PIKFYVE: variants seen among roughly 807,000 people sequenced by gnomAD.
The protein encoded by PIKFYVE is phosphoinositide kinase, FYVE-type zinc finger containing.
In PIKFYVE, 122 loss-of-function variants were observed where a neutral mutation model predicts 257.9. The observed-to-expected ratio is 0.47, with a 90% CI of 0.41 to 0.55. PIKFYVE has a LOEUF of 0.55. Among genes scored for constraint, PIKFYVE ranks in the 20% least tolerant of loss-of-function variants. The probability of loss-of-function intolerance (pLI) is 0.00; values close to 1 mark genes in which losing one functional copy is unlikely to be tolerated. For synonymous variants in PIKFYVE, 892 were observed against 868.9 expected, an observed-to-expected ratio of 1.03 and a Z score of -0.47; for missense variants, 2,160 against 2,536.6, an observed-to-expected ratio of 0.85 and a Z score of 3.19.
intron 7 of PIKFYVE, among the ~76,000 whole-genome samples, chr2:208,294,513 G>A (rs1559071708): frequency 6.6e-6 from 1 of 152,150 alleles, no homozygotes; most frequent in Non-Finnish European, 1.5e-5. Flanking sequence ...AAGGAACTAT[G>A]GTAAATAGGC....
intron 3 of PIKFYVE, 49 bp downstream of exon 3, chr2:208,273,782 A>G (rs1178566622): frequency 6.2e-7 from 1 of 1,604,438 alleles, no homozygotes; most frequent in Non-Finnish European, 8.5e-7. Context: ...AGATTTTTCC[A>G]CAGTCATTGT....
chr2:208,339,476 A>G lies in PIKFYVE; in HGVS notation c.4731A>G (p.Gln1577=), dbSNP rs35066043. ...GCTCCACCAGTTCTACTCATCTCCA[A>G]TTGCCTACGCCACCTGAAGTCATGT... ...SQSSTSSTHL[Q]LPTPPEVMSE... Residue 1577 remains glutamine (Q), a synonymous_variant, in exon 30 of 42, where the codon CAA becomes CAG. Coordinates refer to ENST00000264380, the MANE Select transcript of PIKFYVE (RefSeq NM_015040.4). 5.5e-3 allele frequency: 8,817 copies of G among 1,614,052 alleles called. 370 individuals carry two copies. The African/African-American group carries it at 0.1, about 19-fold the overall frequency.
chr2:208,303,480 T>TTA (rs1693968082), intron 10 of PIKFYVE, among the ~76,000 whole-genome samples: 3 of 152,202 alleles, frequency 2.0e-5, no homozygotes, highest in Admixed American at 2.0e-4. Context: ...TACCATATTC[T>TTA]TACAATAAAG....
At chr2:208,294,559 T>G (rs1263983079) in intron 7 of PIKFYVE, among the ~76,000 whole-genome samples, 1 of 152,144 alleles carries the variant, frequency 6.6e-6, no homozygotes, top group African/African-American at 2.4e-5. Context: ...AGGGGGAGGT[T>G]AAGTGGTCTC....
At chr2:208,303,706 A>G (rs1236129993) in intron 10 of PIKFYVE, among the ~76,000 whole-genome samples, 3 of 152,184 alleles carry the variant, frequency 2.0e-5, no homozygotes, top group South Asian at 2.1e-4. Flanking sequence ...CCCTTGTTCA[A>G]AGGTCAGCTG....
At chr2:208,302,002 T>C (rs1693751153) in intron 9 of PIKFYVE, among the ~76,000 whole-genome samples, 1 of 152,224 alleles carries the variant, frequency 6.6e-6, no homozygotes, top group African/African-American at 2.4e-5. Flanking sequence ...CTTGCTGTTA[T>C]TAAAATTAGG....
At chr2:208,341,059 A>T (rs952947536) in intron 31 of PIKFYVE, among the ~76,000 whole-genome samples, 1 of 151,590 alleles carries the variant, frequency 6.6e-6, no homozygotes, top group African/African-American at 2.4e-5. Context: ...CCAGGCTGGA[A>T]TGTAGTGGTG....
At chr2:208,311,302 T>C (rs1694909138) in intron 12 of PIKFYVE, among the ~76,000 whole-genome samples, 1 of 152,170 alleles carries the variant, frequency 6.6e-6, no homozygotes, top group Admixed American at 6.5e-5. Flanking sequence ...GCCCACATAC[T>C]CGATTTTATT....
rs1407402051 is a variant in PIKFYVE, at chr2:208,348,000, A to G, written c.5351A>G (p.Glu1784Gly). The G allele has an allele frequency of 9.3e-6, 15 of 1,614,184 alleles. No individual in the cohort carries two copies. Among genetic ancestry groups the G allele is most frequent in the Non-Finnish European group, 1.2e-5 (14 of 1,180,004 alleles). The change falls in exon 35 of 42, where the codon GAG becomes GGG. Residue 1784 changes from glutamate to glycine, a missense_variant. Transcript: ENST00000264380. ...QVGQTGKEGT[E>G]NQGVEPQDEV... ...GGGCAGACGGGCAAGGAGGGGACCG[A>G]GAATCAAGGCGTTGAGCCTCAAGGT...
intron 24 of PIKFYVE, among the ~76,000 whole-genome samples, chr2:208,333,788 CTT>C (rs869148653): frequency 6.6e-6 from 1 of 152,092 alleles, no homozygotes; most frequent in South Asian, 2.1e-4. Flanking sequence ...CAGCCTCACT[CTT>C]TTTTTAAAAA....
intron 4 of PIKFYVE, 32 bp from the exon 5 acceptor site, chr2:208,277,505 C>G (rs754363302): frequency 3.0e-5 from 48 of 1,608,534 alleles, no homozygotes; most frequent in Non-Finnish European, 4.1e-5. Flanking sequence ...TCAGTATTTT[C>G]AAGAAGCCTT....
At position 208,349,988 on chromosome 2, in the gene PIKFYVE, A is replaced by T. The variant is rs1699619937; in HGVS notation, c.5375-36A>T. ...GACAAAATGAACTGATAATTACTCAAAACCTTGGCTTTACTAATGATATTA... is the reference window on the plus strand; with the variant it reads ...GACAAAATGAACTGATAATTACTCATAACCTTGGCTTTACTAATGATATTA... On this transcript the variant is annotated intron_variant, in intron 35 of 41. Transcript: ENST00000264380. 1.9e-6 allele frequency: 3 copies of T among 1,610,152 alleles called. No individual in the cohort carries two copies. The African/African-American group carries it at 4.0e-5, about 22-fold the overall frequency.
intron 28 of PIKFYVE, among the ~76,000 whole-genome samples, chr2:208,337,337 G>A (rs913804333): frequency 6.6e-6 from 1 of 152,058 alleles, no homozygotes; most frequent in Non-Finnish European, 1.5e-5. Context: ...AACTGCGTAA[G>A]TTCTTTTTCA....
chr2:208,298,159 GA>G (rs1213566875), intron 7 of PIKFYVE, among the ~76,000 whole-genome samples: 1 of 152,142 alleles, frequency 6.6e-6, no homozygotes, highest in Non-Finnish European at 1.5e-5. Flanking sequence ...GAAAGAGGAA[GA>G]AGGCTAGATT....
At chr2:208,346,559 T>A (rs2125772855) in intron 34 of PIKFYVE, among the ~76,000 whole-genome samples, 1 of 152,222 alleles carries the variant, frequency 6.6e-6, no homozygotes, top group East Asian at 1.9e-4. Context: ...TAAGAATTAT[T>A]TGACATATCC....
intron 5 of PIKFYVE, among the ~76,000 whole-genome samples, chr2:208,283,827 G>A (rs1012216800): frequency 1.3e-5 from 2 of 152,128 alleles, no homozygotes; most frequent in African/African-American, 4.8e-5. Flanking sequence ...CAAGCAGTCC[G>A]CCTGCCTTGG....
At chr2:208,302,051 T>C (rs147087580) in intron 9 of PIKFYVE, among the ~76,000 whole-genome samples, 191 bp from the exon 10 acceptor site, 1 of 152,342 alleles carries the variant, frequency 6.6e-6, no homozygotes, top group Non-Finnish European at 1.5e-5. Context: ...TCTTCTCCTT[T>C]ACTATAGTAC....
chr2:208,331,613 G>T (rs1697552231), intron 23 of PIKFYVE, among the ~76,000 whole-genome samples: 1 of 152,214 alleles, frequency 6.6e-6, no homozygotes. Context: ...CTGACCTCGG[G>T]TGATCGCCCA....
chr2:208,314,485 G>A, intron 14 of PIKFYVE, 62 bp downstream of exon 14: 1 of 1,516,820 alleles, frequency 6.6e-7, no homozygotes, highest in Non-Finnish European at 9.0e-7. Context: ...GACTTGATAA[G>A]CATATGCATC....
Sources: allele counts gnomAD v4.1 joint callset (sites outside exome capture counted in the v4.1 genomes callset), GRCh38; gene constraint gnomAD v4.1.1; transcripts MANE v1.5; gene names NCBI Gene and HGNC (gene_info 2026-07-23, HGNC 2026-07-21).